The following AMZ1 variants were observed in gnomAD, a reference collection of about 807,000 sequenced individuals.
AMZ1 encodes archaemetzincin-1.
Under a neutral mutation model 29.9 loss-of-function variants are expected in AMZ1, and 39 were observed. The ratio of observed to expected loss-of-function variants is 1.30; its 90% CI spans 1.01 to 1.70. AMZ1 has a LOEUF of 1.70. AMZ1 is among the 40% of genes most tolerant of loss of function. The probability of loss-of-function intolerance (pLI) is 0.00; values close to 1 mark genes in which losing one functional copy is unlikely to be tolerated. For synonymous variants in AMZ1, 458 were observed against 304.0 expected, an observed-to-expected ratio of 1.51 and a Z score of -5.27; for missense variants, 1,041 against 680.6, an observed-to-expected ratio of 1.53 and a Z score of -5.89.
upstream of AMZ1, chr7:2,763,191 A>ACACACACACACACACACACACACACACAC (rs1791652924): frequency 9.2e-6 from 2 of 216,888 alleles, no homozygotes; most frequent in African/African-American, 5.4e-5. Context: ...AAGACACCCC[A>ACACACACACACACACACACACACACACAC]ACACACACAC....
chr7:2,731,118 C>G lies in AMZ1; in HGVS notation n.550+21302C>G. 8.9e-7 allele frequency: 1 copy of G among 1,126,626 alleles called. No homozygotes were observed. The highest frequency in any genetic ancestry group is 1.5e-5 in the African/African-American group (1 of 65,418). 69.8% of individuals were successfully genotyped at this position (1,126,626 alleles called of 1,614,324 possible). On this transcript the variant is annotated intron_variant and non_coding_transcript_variant, in intron 4 of 4. Coordinates refer to the AMZ1 transcript ENST00000489665. This position sits in a 1 kb window ranked among gnomAD's most constrained non-coding sequence, Gnocchi z 6.0. ...CAAGGACCACACAGACAACACACAC[C>G]CAAGAGTCTGACCGACAGCCGTGGG...
At chr7:2,735,207 C>G (rs1790105835) in intron 4 of AMZ1, among the ~76,000 whole-genome samples, 1 of 152,206 alleles carries the variant, frequency 6.6e-6, no homozygotes, top group African/African-American at 2.4e-5. Context: ...AGGTGCCACG[C>G]AAGCCCAAGA....
At chr7:2,689,114 C>G (rs752090376) in intron 1 of AMZ1, among the ~76,000 whole-genome samples, 2 of 152,244 alleles carry the variant, frequency 1.3e-5, no homozygotes, top group Non-Finnish European at 2.9e-5. Context: ...CAAAACCATC[C>G]GTCCGTCTGG....
At chr7:2,738,851 T>C (rs1790347680) in intron 4 of AMZ1, among the ~76,000 whole-genome samples, 1 of 152,232 alleles carries the variant, frequency 6.6e-6, no homozygotes, top group Non-Finnish European at 1.5e-5. Context: ...TTTTTTGTTT[T>C]TTGCCAGAAT....
intron 4 of AMZ1, among the ~76,000 whole-genome samples, chr7:2,745,033 C>T (rs1000712294): frequency 6.6e-6 from 1 of 152,212 alleles, no homozygotes; most frequent in Non-Finnish European, 1.5e-5. Flanking sequence ...AAGACCAAAT[C>T]TACATCTGAT....
chr7:2,735,012 C>T (rs924770883), intron 4 of AMZ1, among the ~76,000 whole-genome samples: 4 of 152,190 alleles, frequency 2.6e-5, no homozygotes, highest in East Asian at 1.9e-4. Context: ...GTGGGGCAGC[C>T]GCCTTCCCGT....
intron 1 of AMZ1, among the ~76,000 whole-genome samples, chr7:2,682,629 G>A (rs1018914414): frequency 2.0e-5 from 3 of 152,114 alleles, no homozygotes; most frequent in African/African-American, 4.8e-5. Flanking sequence ...CTTCCTGGAC[G>A]TCACCTACTG....
At chr7:2,741,718 A>G (rs1790514780) in intron 4 of AMZ1, among the ~76,000 whole-genome samples, 1 of 152,014 alleles carries the variant, frequency 6.6e-6, no homozygotes, top group Non-Finnish European at 1.5e-5. Flanking sequence ...AAAATCCGTC[A>G]TCATTTGAGA....
upstream of AMZ1, among the ~76,000 whole-genome samples, chr7:2,683,809 C>T (rs1033450344): frequency 1.2e-4 from 19 of 152,192 alleles, no homozygotes; most frequent in Admixed American, 8.5e-4. Context: ...TCAAGTGATC[C>T]TCCCACCTCG....
downstream of AMZ1, among the ~76,000 whole-genome samples, chr7:2,720,445 C>T (rs145191147): frequency 0.011 from 1,644 of 152,208 alleles, 12 homozygotes; most frequent in Non-Finnish European, 0.016. Flanking sequence ...TCTGTGTTGC[C>T]CAGGCTGGAG....
chr7:2,692,260 G>A (rs1787438312), intron 1 of AMZ1, among the ~76,000 whole-genome samples: 1 of 152,184 alleles, frequency 6.6e-6, no homozygotes, highest in Non-Finnish European at 1.5e-5. Flanking sequence ...ACCGAGCTTG[G>A]CCGGGCGTGG....
intron 1 of AMZ1, among the ~76,000 whole-genome samples, chr7:2,697,584 C>T (rs148230091): frequency 0.011 from 1,620 of 151,934 alleles, 23 homozygotes; most frequent in African/African-American, 0.033. Flanking sequence ...TCACCATGCC[C>T]GGCTAATTTT....
At position 2,713,451 on chromosome 7, in the gene AMZ1, C is replaced by G. The variant is rs73047342; in HGVS notation, c.*573C>G. ...AGAGGCAGAAGGAAGCAGCGTGCGT[C>G]CTGTCTCCTTCCAGGCTGTGGGCCT... On this transcript the variant is annotated 3_prime_UTR_variant, in exon 7 of 7. Coordinates refer to ENST00000683327, the MANE Select transcript of AMZ1 (RefSeq NM_001384743.1). 3 of 152,650 alleles carry G rather than the reference C, an allele frequency of 2.0e-5. No homozygotes were observed. Among genetic ancestry groups the G allele is most frequent in the African/African-American group, 7.2e-5 (3 of 41,446 alleles). The allele number at this position is 152,650 out of a possible 1,614,324, so 9.5% of individuals were successfully genotyped here.
chr7:2,763,956 T>C (rs960524562), upstream of AMZ1, among the ~76,000 whole-genome samples: 8 of 152,190 alleles, frequency 5.3e-5, no homozygotes, highest in Non-Finnish European at 8.8e-5. Flanking sequence ...TTCTTTCCTA[T>C]AGCAACACTA....
At chr7:2,736,802 C>T (rs1248484286) in intron 4 of AMZ1, among the ~76,000 whole-genome samples, 1 of 152,254 alleles carries the variant, frequency 6.6e-6, no homozygotes, top group East Asian at 1.9e-4. Flanking sequence ...GCAGCAGCCT[C>T]GCCCGTCACC....
chr7:2,696,896 CAA>C (rs1034950796), intron 1 of AMZ1, among the ~76,000 whole-genome samples: 2 of 150,092 alleles, frequency 1.3e-5, no homozygotes, highest in Non-Finnish European at 3.0e-5. Context: ...AAACAAAAAA[CAA>C]AAACAAAAAA....
chr7:2,745,276 C>G (rs1583226140), intron 4 of AMZ1, among the ~76,000 whole-genome samples: 2 of 152,326 alleles, frequency 1.3e-5, no homozygotes. Flanking sequence ...AGAGAAAGGT[C>G]AGGTTACCCA....
At chr7:2,708,268 C>A (rs79092688) in intron 3 of AMZ1, among the ~76,000 whole-genome samples, 1 of 152,166 alleles carries the variant, frequency 6.6e-6, no homozygotes, top group Non-Finnish European at 1.5e-5. Context: ...CTGGGGCTGT[C>A]GCTCAGCTGC....
chr7:2,712,815 G>C lies in AMZ1; in HGVS notation c.1434G>C (p.Leu478=), dbSNP rs368758653. 9 of 1,539,102 alleles carry C rather than the reference G, an allele frequency of 5.8e-6. No individual in the cohort carries two copies. In the African/African-American group the frequency reaches 1.1e-4, roughly 19 times the overall value. Residue 478 remains leucine, a synonymous_variant, in exon 7 of 7, where the codon CTG becomes CTC. Coordinates refer to ENST00000683327, the MANE Select transcript of AMZ1 (RefSeq NM_001384743.1). ...GDKFSSLRRK[L]SARKLARAES... is the part of the protein sequence containing the mutation. ...AGTTCTCCTCCCTGAGGAGGAAGCT[G>C]AGTGCCCGAAAACTCGCCAGAGCAG...
Sources: gnomAD v4.1 joint callset for allele counts (sites outside exome capture counted in the v4.1 genomes callset) on GRCh38, gnomAD v4.1.1 for gene constraint, Gnocchi (gnomAD v3.1) non-coding constraint, MANE v1.5 for transcripts, NCBI Gene and HGNC (gene_info 2026-07-23, HGNC 2026-07-21) for gene names.